TP53BP2: variants seen among roughly 807,000 people sequenced by gnomAD.
TP53BP2 encodes the protein apoptosis-stimulating of p53 protein 2.
In TP53BP2, 62 loss-of-function variants were observed where a neutral mutation model predicts 126.2. The ratio of observed to expected loss-of-function variants is 0.49; its 90% CI spans 0.40 to 0.61. TP53BP2 has a LOEUF of 0.61. TP53BP2 is among the 20% of genes least tolerant of loss of function. The probability of loss-of-function intolerance (pLI) is 0.00; values close to 1 mark genes in which losing one functional copy is unlikely to be tolerated. For missense variants in TP53BP2, 1,215 were observed against 1,402.8 expected (o/e 0.87, Z 2.14); for synonymous variants, 485 against 502.9 (o/e 0.96, Z 0.48).
Position 223,792,484 on chromosome 1 carries a change from C to G in TP53BP2, c.2901G>C (p.Thr967=). The G allele has an allele frequency of 6.2e-7, 1 of 1,613,980 alleles. No individual in the cohort carries two copies. The highest frequency in any genetic ancestry group is 8.5e-7 in the Non-Finnish European group (1 of 1,179,934). ...CTGCACACACAGCATTGTGAAGAGC[C>G]GTGATGCCTTCATCATTGGGGAGGC... is the stretch of plus-strand genomic sequence containing the variant. ...DPSLPNDEGI[T]ALHNAVCAGH... is the part of the protein sequence containing the mutation. The change falls in exon 15 of 18, where the codon ACG becomes ACC. Residue 967 remains threonine, a synonymous_variant. Coordinates refer to ENST00000343537, the MANE Select transcript of TP53BP2 (RefSeq NM_001031685.3).
chr1:223,816,001 C>A (rs766288191), intron 2 of TP53BP2, among the ~76,000 whole-genome samples: 1 of 152,184 alleles, frequency 6.6e-6, no homozygotes, highest in Non-Finnish European at 1.5e-5. Context: ...TTTCTCGGCA[C>A]GTATCACCAT....
At chr1:223,845,136 T>C (rs376705745) in intron 1 of TP53BP2, 5 of 577,974 alleles carry the variant, frequency 8.7e-6, no homozygotes, top group East Asian at 2.9e-4. Context: ...ACTTCCGAGA[T>C]TGCATTTACC....
At chr1:223,828,274 T>C (rs578190717) in intron 1 of TP53BP2, among the ~76,000 whole-genome samples, 1 of 152,186 alleles carries the variant, frequency 6.6e-6, no homozygotes, top group Non-Finnish European at 1.5e-5. Context: ...TATCCTATTA[T>C]GCATACACAT....
chr1:223,797,477 A>C (rs1662365520), intron 12 of TP53BP2, among the ~76,000 whole-genome samples: 1 of 151,624 alleles, frequency 6.6e-6, no homozygotes, highest in Admixed American at 6.6e-5. Flanking sequence ...GGAGTGCACC[A>C]TCTCGGCTCA....
intron 13 of TP53BP2, among the ~76,000 whole-genome samples, 178 bp from the exon 14 acceptor site, chr1:223,793,618 C>T (rs1052564845): frequency 6.6e-6 from 1 of 152,256 alleles, no homozygotes; most frequent in Non-Finnish European, 1.5e-5. Context: ...TGACATGCAG[C>T]GTAATGAACT....
At chr1:223,836,644 A>C (rs1374758923) in intron 1 of TP53BP2, among the ~76,000 whole-genome samples, 1 of 152,200 alleles carries the variant, frequency 6.6e-6, no homozygotes, top group East Asian at 1.9e-4. Flanking sequence ...AAAGACCACC[A>C]GGGAAGCAGT....
intron 1 of TP53BP2, among the ~76,000 whole-genome samples, chr1:223,831,494 T>A (rs1397732675): frequency 0.025 from 2,423 of 98,006 alleles, 209 homozygotes; most frequent in African/African-American, 0.13. Context: ...TATATATATA[T>A]ATATATATAT....
chr1:223,834,322 C>T (rs562975341), intron 1 of TP53BP2, among the ~76,000 whole-genome samples: 5 of 152,242 alleles, frequency 3.3e-5, no homozygotes, highest in Admixed American at 2.0e-4. Flanking sequence ...ATTCAGAAAC[C>T]CCAGAGGAGA....
chr1:223,803,176 A>G, intron 7 of TP53BP2, 95 bp downstream of exon 7: 1 of 1,411,788 alleles, frequency 7.1e-7, no homozygotes, highest in Non-Finnish European at 9.6e-7. Flanking sequence ...CTTTAAGGAA[A>G]GGCAACTGAA....
chr1:223,803,372 GTTC>G lies in TP53BP2; in HGVS notation c.727_729del (p.Glu243del), dbSNP rs1662598778. The G allele has an allele frequency of 4.3e-6, 7 of 1,614,004 alleles. No individual in the cohort carries two copies. The highest frequency in any genetic ancestry group is 2.2e-5 in the East Asian group (1 of 44,878). The stretch of plus-strand genomic sequence containing the variant: ...TTGAGCATCTCTAGCTGCCTGGTCA[GTTC>G]TTCTACTTTTGACACAGCCAGGACG... On this transcript the variant is annotated inframe_deletion, in exon 7 of 18. Transcript: ENST00000343537.
At chr1:223,802,425 T>G (rs1662560595) in intron 8 of TP53BP2, 81 bp from the exon 9 acceptor site, 1 of 1,388,242 alleles carries the variant, frequency 7.2e-7, no homozygotes, top group Admixed American at 2.3e-5. Context: ...TGACATTTTC[T>G]TACTTTTTAA....
intron 1 of TP53BP2, among the ~76,000 whole-genome samples, chr1:223,830,526 G>T: frequency 6.6e-6 from 1 of 151,192 alleles, no homozygotes; most frequent in Non-Finnish European, 1.5e-5. Context: ...CTTACTCCTG[G>T]GAATTTATCC....
Position 223,800,725 on chromosome 1 carries a change from T to C in TP53BP2, c.1311A>G (p.Gln437=), listed in dbSNP as rs1271756704. ...FPSQGSASVP[Q]STGNALDQVD... is the part of the protein sequence containing the mutation. ...CTTGATCCAGAGCATTCCCAGTGCT[T>C]TGAGGTACAGAAGCAGAGCCTTGGC... is the stretch of plus-strand genomic sequence containing the variant. Residue 437 remains glutamine, a synonymous_variant, in exon 10 of 18, where the codon CAA becomes CAG. Transcript: ENST00000343537. 3 of 1,605,754 alleles carry C rather than the reference T, an allele frequency of 1.9e-6. No individual in the cohort carries two copies. Among genetic ancestry groups the C allele is most frequent in the African/African-American group, 1.3e-5 (1 of 74,166 alleles).
chr1:223,829,711 A>G (rs1663628555), intron 1 of TP53BP2, among the ~76,000 whole-genome samples: 1 of 151,446 alleles, frequency 6.6e-6, no homozygotes, highest in African/African-American at 2.4e-5. Context: ...TTTTCATCAT[A>G]AAGAGTGCAG....
intron 1 of TP53BP2, among the ~76,000 whole-genome samples, chr1:223,832,565 C>T (rs536918677): frequency 6.6e-6 from 1 of 152,368 alleles, no homozygotes; most frequent in African/African-American, 2.4e-5. Context: ...CCTCTCCCAA[C>T]ACTGTGATAC....
At chr1:223,786,910 TTG>T (rs1404076649) in intron 16 of TP53BP2, among the ~76,000 whole-genome samples, 2 of 143,782 alleles carry the variant, frequency 1.4e-5, no homozygotes, top group Non-Finnish European at 3.0e-5. Flanking sequence ...CCGGCTTTTT[TTG>T]TGAGACAAAG....
chr1:223,780,345 A>G lies in TP53BP2; in HGVS notation c.*508T>C, dbSNP rs1661727541. Reference sequence around the variant, plus strand: ...GTTATTGTTCACTGACAACCAACTAACAGTTCTTCACTGACAATATACAAG... The same window carrying G: ...GTTATTGTTCACTGACAACCAACTAGCAGTTCTTCACTGACAATATACAAG... On this transcript the variant is annotated 3_prime_UTR_variant, in exon 18 of 18. Coordinates refer to ENST00000343537, the MANE Select transcript of TP53BP2 (RefSeq NM_001031685.3). 1 of 152,552 alleles carries G rather than the reference A, an allele frequency of 6.6e-6. No homozygotes were observed. The highest frequency in any genetic ancestry group is 6.5e-5 in the Admixed American group (1 of 15,310). The allele number at this position is 152,552 out of a possible 1,614,324, so 9.4% of individuals were successfully genotyped here.
At chr1:223,819,780 G>A (rs1442091453) in intron 2 of TP53BP2, among the ~76,000 whole-genome samples, 2 of 152,154 alleles carry the variant, frequency 1.3e-5, no homozygotes, top group Non-Finnish European at 2.9e-5. Flanking sequence ...AATGCAAGGA[G>A]GTTACCAGGA....
chr1:223,802,677 G>T, intron 8 of TP53BP2, 54 bp downstream of exon 8: 3 of 1,598,290 alleles, frequency 1.9e-6, no homozygotes, highest in Non-Finnish European at 2.6e-6. Context: ...AACCTCACTG[G>T]GCTGGTCATC....
Sources: gnomAD v4.1 joint callset for allele counts (sites outside exome capture counted in the v4.1 genomes callset) on GRCh38, gnomAD v4.1.1 for gene constraint, MANE v1.5 for transcripts, NCBI Gene and HGNC (gene_info 2026-07-23, HGNC 2026-07-21) for gene names.